TIAM2: variants seen among roughly 807,000 people sequenced by gnomAD.
TIAM2 encodes the protein rho guanine nucleotide exchange factor TIAM2.
TIAM2 carries 80 observed loss-of-function variants against 152.9 expected under a neutral mutation model. The ratio of observed to expected loss-of-function variants is 0.52; its 90% CI spans 0.44 to 0.63. The LOEUF (loss-of-function observed/expected upper bound fraction) is 0.63. TIAM2 is among the 30% of genes least tolerant of loss of function. TIAM2 has a pLI of 0.00. For missense variants in TIAM2, 1,965 were observed against 2,120.1 expected (o/e 0.93, Z 1.44); for synonymous variants, 804 against 838.0 (o/e 0.96, Z 0.70).
intron 14 of TIAM2, among the ~76,000 whole-genome samples, chr6:155,193,136 G>A (rs1562349109): frequency 1.3e-5 from 2 of 152,170 alleles, no homozygotes; most frequent in Non-Finnish European, 2.9e-5. Flanking sequence ...CAGTCACGGT[G>A]GCTCACACCT....
At chr6:155,158,204 G>A (rs1256325250) in intron 7 of TIAM2, among the ~76,000 whole-genome samples, 2 of 152,150 alleles carry the variant, frequency 1.3e-5, no homozygotes, top group African/African-American at 4.8e-5. Context: ...ACTGCTGGGT[G>A]TGGCAGGAAT....
Position 155,249,932 on chromosome 6 carries a change from A to C in TIAM2, c.3914A>C (p.Asp1305Ala). The C allele has an allele frequency of 1.2e-6, 2 of 1,614,124 alleles. No individual in the cohort carries two copies. Among genetic ancestry groups the C allele is most frequent in the South Asian group, 2.2e-5 (2 of 91,074 alleles). ...TATGAGGATTATGGGACCGTGTTTG[A>C]CCAGCTAGTAGCTGAGCAGAGCGGA... ...KIYEDYGTVFDQLVAEQSGTE... is the reference protein window; with the variant it reads ...KIYEDYGTVFAQLVAEQSGTE... Residue 1305 changes from aspartate to alanine, a missense_variant, in exon 21 of 27, where the codon GAC (aspartate) becomes GCC (alanine). By Grantham distance (126) the Asp-to-Ala change is moderately radical (BLOSUM62 -2). Around this residue, in one of 3 missense-constraint regions of TIAM2, gnomAD observed 935 missense variants for 980.0 expected, o/e 0.95. Coordinates refer to ENST00000682666, the MANE Select transcript of TIAM2 (RefSeq NM_012454.4).
rs367656359 is a variant in TIAM2, at chr6:155,164,716, A to G, written c.2214+116A>G. The G allele has an allele frequency of 1.6e-5, 21 of 1,275,694 alleles. 1 individual carries two copies. In the African/African-American group the frequency reaches 1.8e-4, roughly 11 times the overall value. 79.0% of individuals were successfully genotyped at this position (1,275,694 alleles called of 1,614,324 possible). On this transcript the variant is annotated intron_variant, in intron 8 of 26. Coordinates refer to ENST00000682666, the MANE Select transcript of TIAM2 (RefSeq NM_012454.4). ...GGGCTTGACCCAACAACTGACACCT[A>G]GAGGCCAGGTCACCCAGAGGCCAGG...
intron 4 of TIAM2, among the ~76,000 whole-genome samples, chr6:155,132,055 T>C (rs960713548): frequency 6.6e-6 from 1 of 151,878 alleles, no homozygotes; most frequent in African/African-American, 2.4e-5. Context: ...AAGTGGCTTA[T>C]CCACCAGGAA....
At chr6:155,072,294 C>G (rs1427810123) in intron 1 of TIAM2, among the ~76,000 whole-genome samples, 1 of 152,182 alleles carries the variant, frequency 6.6e-6, no homozygotes, top group Non-Finnish European at 1.5e-5. Context: ...AGAGAAAGGA[C>G]TGGAAATCCT....
At position 155,213,751 on chromosome 6, in the gene TIAM2, G is replaced by C. The variant is rs1326349521; in HGVS notation, c.3168+2444G>C. On this transcript the variant is annotated intron_variant, in intron 15 of 26. Coordinates refer to ENST00000682666, the MANE Select transcript of TIAM2 (RefSeq NM_012454.4). This position sits in a 1 kb window ranked among gnomAD's most constrained non-coding sequence, Gnocchi z 4.2. ...GCAGGCCAGGGCCGAGCTGCCCTCA[G>C]TCCCCTCCTTGGCCTGCCTCCCATG... Among the ~76,000 whole-genome samples, 1 of 152,194 alleles carries C rather than the reference G, an allele frequency of 6.6e-6. No individual in the cohort carries two copies. Among genetic ancestry groups the C allele is most frequent in the Non-Finnish European group, 1.5e-5 (1 of 68,028 alleles).
chr6:155,122,198 C>T (rs1583201551), intron 2 of TIAM2: 2 of 152,244 alleles, frequency 1.3e-5, no homozygotes, highest in Admixed American at 6.5e-5. Flanking sequence ...CATTGCTGCA[C>T]GCTTCTGGAG....
chr6:155,140,702 G>C (rs749560774), intron 5 of TIAM2, among the ~76,000 whole-genome samples: 1 of 151,734 alleles, frequency 6.6e-6, no homozygotes, highest in African/African-American at 2.4e-5. Context: ...AAAGATCTAG[G>C]GATATTTAGC....
chr6:155,032,794 G>A (rs1326058716), intron 1 of TIAM2, among the ~76,000 whole-genome samples: 2 of 152,138 alleles, frequency 1.3e-5, no homozygotes, highest in Admixed American at 6.6e-5. Flanking sequence ...GCCCACCTCG[G>A]CCTCCCAAAG....
At chr6:155,073,105 A>G (rs1406603378) in intron 1 of TIAM2, among the ~76,000 whole-genome samples, 1 of 150,630 alleles carries the variant, frequency 6.6e-6, no homozygotes, top group East Asian at 1.9e-4. Context: ...TTTATAAAGA[A>G]TTATCCATTA....
chr6:155,231,700 G>A (rs1782484542), intron 15 of TIAM2, among the ~76,000 whole-genome samples: 1 of 152,228 alleles, frequency 6.6e-6, no homozygotes. Flanking sequence ...GTAGCCCAGG[G>A]TAGCTGCAGC....
At chr6:155,098,835 G>T (rs1056613241) in intron 2 of TIAM2, among the ~76,000 whole-genome samples, 1 of 152,122 alleles carries the variant, frequency 6.6e-6, no homozygotes, top group African/African-American at 2.4e-5. Flanking sequence ...GTAATTAATT[G>T]GTCATTTGAT....
intron 7 of TIAM2, among the ~76,000 whole-genome samples, chr6:155,151,469 C>T (rs1779967639): frequency 6.6e-6 from 1 of 152,230 alleles, no homozygotes; most frequent in Non-Finnish European, 1.5e-5. Context: ...AAAAAGGCCC[C>T]ACTTCCTAAT....
At chr6:155,252,617 T>A (rs1240195919) in intron 23 of TIAM2, among the ~76,000 whole-genome samples, 1 of 152,232 alleles carries the variant, frequency 6.6e-6, no homozygotes, top group Non-Finnish European at 1.5e-5. Context: ...CCTTTTACCT[T>A]CACTCAGAAA....
rs187227499 is a variant in TIAM2, at chr6:155,146,990, A to G, written c.1804-1120A>G. Among the ~76,000 whole-genome samples the G allele has an allele frequency of 5.3e-3, 804 of 152,188 alleles. 3 individuals carry two copies. Among genetic ancestry groups the G allele is most frequent in the Non-Finnish European group, 8.8e-3 (596 of 68,010 alleles). ...GGCTGGTCTTGAACTCCTGGACTCA[A>G]AAGTCCTGGGATTACAGGCATGAGC... On this transcript the variant is annotated intron_variant, in intron 6 of 26. Transcript: ENST00000682666.
At chr6:155,160,398 A>G (rs1780238614) in intron 7 of TIAM2, among the ~76,000 whole-genome samples, 1 of 152,200 alleles carries the variant, frequency 6.6e-6, no homozygotes, top group Non-Finnish European at 1.5e-5. Context: ...AGGGAAGGCA[A>G]TCCGCATTAC....
chr6:155,196,446 G>A (rs1190239422), intron 14 of TIAM2, among the ~76,000 whole-genome samples: 1 of 152,094 alleles, frequency 6.6e-6, no homozygotes, highest in Non-Finnish European at 1.5e-5. Flanking sequence ...GAGAAAGGGG[G>A]GAAATTTTAA....
At chr6:155,003,081 T>G (rs1178203745) in intron 1 of TIAM2, among the ~76,000 whole-genome samples, 3 of 152,158 alleles carry the variant, frequency 2.0e-5, no homozygotes. Flanking sequence ...ATGTGTGAAG[T>G]GTTCATTGAA....
In TIAM2 at chr6:154,999,365, C is replaced by G. The variant is rs556734494; in HGVS notation, c.-209+3873C>G. 1.2e-4 allele frequency among the ~76,000 whole-genome samples: 18 copies of G among 152,092 alleles called. No individual in the cohort carries two copies. In the East Asian group the frequency reaches 3.5e-3, roughly 30 times the overall value. ...AGCTGGGATTGCACCCACCACCACA[C>G]CTGGCTAATTTTTGTATTTTTAGTA... On this transcript the variant is annotated intron_variant, in intron 1 of 26. Coordinates refer to ENST00000682666, the MANE Select transcript of TIAM2 (RefSeq NM_012454.4).
Sources: allele counts gnomAD v4.1 joint callset (sites outside exome capture counted in the v4.1 genomes callset), GRCh38; gene constraint gnomAD v4.1.1; regional missense constraint gnomAD v4.1.1; non-coding constraint Gnocchi (gnomAD v3.1); transcripts MANE v1.5; gene names NCBI Gene and HGNC (gene_info 2026-07-23, HGNC 2026-07-21).